NBAS: variants seen among roughly 807,000 people sequenced by gnomAD.
NBAS encodes NBAS subunit of NRZ tethering complex, also known as NAG/BC035112 fusion.
NBAS carries 219 observed loss-of-function variants against 302.5 expected under a neutral mutation model. That is an observed-to-expected ratio of 0.72 (90% CI 0.65 to 0.81). The LOEUF is 0.81. Among genes scored for constraint, NBAS ranks in the 30% least tolerant of loss-of-function variants. The pLI, the probability that NBAS is intolerant of heterozygous loss-of-function variation, is 0.00. For synonymous variants in NBAS, 1,118 were observed against 1,021.6 expected, an observed-to-expected ratio of 1.09 and a Z score of -1.80; for missense variants, 2,932 against 2,841.6, an observed-to-expected ratio of 1.03 and a Z score of -0.72.
the NBAS span, among the ~76,000 whole-genome samples, chr2:15,121,733 T>A: frequency 2.1e-4 from 27 of 130,484 alleles, no homozygotes; most frequent in East Asian, 9.3e-4. Context: ...AAAAAAAATT[T>A]TTTTTTTTTT....
the NBAS span, among the ~76,000 whole-genome samples, chr2:14,940,013 G>T: frequency 6.6e-6 from 1 of 152,044 alleles, no homozygotes; most frequent in African/African-American, 2.4e-5. Context: ...AAACTCTTTG[G>T]CCCAGATGAA....
intron 35 of NBAS, among the ~76,000 whole-genome samples, chr2:15,343,547 A>G (rs1672953167): frequency 6.6e-6 from 1 of 152,176 alleles, no homozygotes; most frequent in African/African-American, 2.4e-5. Context: ...GAAATTTAAA[A>G]TCTACTAAGA....
At chr2:14,856,902 T>C in the NBAS span, among the ~76,000 whole-genome samples, 18 of 152,298 alleles carry the variant, frequency 1.2e-4, no homozygotes, top group Non-Finnish European at 2.2e-4. Flanking sequence ...TTGCTGATGA[T>C]ATGATTTGAT....
rs187822360 is a variant in NBAS at position 15,320,824 on chromosome 2, G to A, written c.4582+6926C>T. 4.9e-3 allele frequency among the ~76,000 whole-genome samples: 748 copies of A among 152,204 alleles called. 13 individuals carry two copies. The highest frequency in any genetic ancestry group is 0.02 in the Middle Eastern group (6 of 294). On this transcript the variant is annotated intron_variant, in intron 38 of 51. Transcript: ENST00000281513. ...AGTGAAAATGGCCATACTGTCCAAGGTAATTTATAGATTCAATGCCATCCC... is the reference window on the plus strand; with the variant it reads ...AGTGAAAATGGCCATACTGTCCAAGATAATTTATAGATTCAATGCCATCCC...
chr2:15,283,960 T>C (rs1156832004), intron 42 of NBAS, among the ~76,000 whole-genome samples: 1 of 152,124 alleles, frequency 6.6e-6, no homozygotes, highest in Non-Finnish European at 1.5e-5. Context: ...GAAATGAAGA[T>C]GGCTACTAAG....
the NBAS span, among the ~76,000 whole-genome samples, chr2:14,846,080 C>G: frequency 6.6e-6 from 1 of 152,098 alleles, no homozygotes; most frequent in African/African-American, 2.4e-5. Flanking sequence ...AGATTTAATC[C>G]AAAGAAGCCT....
the NBAS span, among the ~76,000 whole-genome samples, chr2:14,802,655 A>G: frequency 6.6e-6 from 1 of 151,068 alleles, no homozygotes; most frequent in African/African-American, 2.4e-5. Flanking sequence ...TCCAACAATG[A>G]TAGACTGGAT....
intron 23 of NBAS, among the ~76,000 whole-genome samples, chr2:15,419,328 CAT>C (rs199863761): frequency 0.015 from 1,052 of 72,048 alleles, 13 homozygotes; most frequent in African/African-American, 0.053. Context: ...CATATTCATA[CAT>C]ATATATGTGT....
chr2:15,300,008 CAATGCATAAAATTAAAAGGAAA>C (rs1354620352), intron 40 of NBAS, among the ~76,000 whole-genome samples: 1 of 152,136 alleles, frequency 6.6e-6, no homozygotes, highest in African/African-American at 2.4e-5. Context: ...TGCTAACCAT[CAATGCATAAAATTAAAAGGAAA>C]AATGCAGGCG....
At chr2:14,903,572 A>G in the NBAS span, among the ~76,000 whole-genome samples, 1 of 152,124 alleles carries the variant, frequency 6.6e-6, no homozygotes, top group Non-Finnish European at 1.5e-5. Flanking sequence ...AAAGAAAACA[A>G]TAGGGGGTGG....
chr2:15,217,244 T>C (rs1666692807), intron 48 of NBAS, among the ~76,000 whole-genome samples: 2 of 152,224 alleles, frequency 1.3e-5, no homozygotes, highest in Admixed American at 1.3e-4. Flanking sequence ...ATTCTGATAT[T>C]CATGACTTTT....
chr2:14,915,417 C>T, the NBAS span, among the ~76,000 whole-genome samples: 1 of 152,156 alleles, frequency 6.6e-6, no homozygotes, highest in Non-Finnish European at 1.5e-5. Context: ...TTTGGTTTAG[C>T]TGCATGTCCC....
chr2:15,138,563 G>A, the NBAS span, among the ~76,000 whole-genome samples: 1 of 152,066 alleles, frequency 6.6e-6, no homozygotes, highest in Admixed American at 6.5e-5. Flanking sequence ...AAGAGCCCAG[G>A]ACCTGGAGGC....
At chr2:15,500,430 G>A (rs1186375550) in intron 11 of NBAS, among the ~76,000 whole-genome samples, 1 of 149,650 alleles carries the variant, frequency 6.7e-6, no homozygotes, top group Non-Finnish European at 1.5e-5. Flanking sequence ...AGTCAGCGTT[G>A]AACAAAACAA....
chr2:15,426,202 C>G (rs1211398697), intron 22 of NBAS, among the ~76,000 whole-genome samples: 1 of 152,146 alleles, frequency 6.6e-6, no homozygotes, highest in Non-Finnish European at 1.5e-5. Context: ...CAAAGGATTG[C>G]TCCATTGTTT....
rs116265661 is a variant in NBAS at position 15,436,236 on chromosome 2, A to G, written c.2340-8442T>C. Among the ~76,000 whole-genome samples the G allele has an allele frequency of 2.9e-3, 438 of 152,268 alleles. 4 individuals carry two copies. Among genetic ancestry groups the G allele is most frequent in the African/African-American group, 1.0e-2 (415 of 41,592 alleles). Reference sequence around the variant, plus strand: ...TAAAAACTATAAAAGTCAACGTAAGAGGAAGACTACATAGCTAAGACTATT... The same window carrying G: ...TAAAAACTATAAAAGTCAACGTAAGGGGAAGACTACATAGCTAAGACTATT... On this transcript the variant is annotated intron_variant, in intron 21 of 51. Transcript: ENST00000281513.
At chr2:15,116,857 T>C in the NBAS span, among the ~76,000 whole-genome samples, 1 of 152,160 alleles carries the variant, frequency 6.6e-6, no homozygotes, top group Non-Finnish European at 1.5e-5. Context: ...ATTTAATACA[T>C]ATATAGGTTA....
chr2:15,394,079 A>G, intron 28 of NBAS, 148 bp downstream of exon 28: 2 of 899,860 alleles, frequency 2.2e-6, no homozygotes, highest in Admixed American at 2.9e-5. Context: ...CTATACACAC[A>G]TATCAAAACT....
intron 12 of NBAS, among the ~76,000 whole-genome samples, chr2:15,483,941 C>G (rs1558380684): frequency 6.6e-6 from 1 of 152,250 alleles, no homozygotes; most frequent in African/African-American, 2.4e-5. Context: ...ATCGGTTTGT[C>G]TACTTACTAG....
Sources: gnomAD v4.1 joint callset for allele counts (sites outside exome capture counted in the v4.1 genomes callset) on GRCh38, gnomAD v4.1.1 for gene constraint, MANE v1.5 for transcripts, NCBI Gene and HGNC (gene_info 2026-07-23, HGNC 2026-07-21) for gene names.